PTPRD: variants seen among roughly 807,000 people sequenced by gnomAD.
PTPRD encodes the protein receptor-type tyrosine-protein phosphatase delta.
In PTPRD, 34 loss-of-function variants were observed where a neutral mutation model predicts 214.5. The ratio of observed to expected loss-of-function variants is 0.16; its 90% CI spans 0.12 to 0.21. The LOEUF is 0.21. Ranked by LOEUF, PTPRD falls within the 10% of genes least tolerant of loss-of-function variation. The pLI is 1.00. For synonymous variants in PTPRD, 1,128 were observed against 845.7 expected, an observed-to-expected ratio of 1.33 and a Z score of -5.79; for missense variants, 2,545 against 2,398.7, an observed-to-expected ratio of 1.06 and a Z score of -1.27.
chr9:10,447,177 A>G (rs73408148), intron 2 of PTPRD, among the ~76,000 whole-genome samples: 1,522 of 150,588 alleles, frequency 0.01, 35 homozygotes, highest in African/African-American at 0.03. Context: ...CCTGATGTGC[A>G]GCAAGGTAGC....
intron 10 of PTPRD, among the ~76,000 whole-genome samples, chr9:9,178,530 C>T (rs987838355): frequency 1.3e-5 from 2 of 152,024 alleles, no homozygotes; most frequent in African/African-American, 4.8e-5. Context: ...CAAATCATGG[C>T]CTGGGGTCTT....
chr9:9,994,624 A>G (rs1032045353), intron 4 of PTPRD, among the ~76,000 whole-genome samples: 5 of 152,176 alleles, frequency 3.3e-5, no homozygotes, highest in African/African-American at 9.7e-5. Flanking sequence ...CAAACAGAAA[A>G]TTACAAAAGT....
chr9:9,891,485 C>T (rs1189556542), intron 5 of PTPRD, among the ~76,000 whole-genome samples: 1 of 151,590 alleles, frequency 6.6e-6, no homozygotes, highest in Non-Finnish European at 1.5e-5. Flanking sequence ...TTTCTTCTGT[C>T]ACATAAATGC....
chr9:9,508,026 A>G lies in PTPRD; in HGVS notation c.-237+66706T>C, dbSNP rs180740364. ...TATACTATCACACATAAAATTCTCA[A>G]TATTTAATTGATTACACATAATTTA... On this transcript the variant is annotated intron_variant, in intron 8 of 45. Transcript: ENST00000381196. Among the ~76,000 whole-genome samples the G allele has an allele frequency of 1.0e-3, 153 of 151,614 alleles. 1 individual carries two copies. The highest frequency in any genetic ancestry group is 1.8e-3 in the Admixed American group (28 of 15,136).
chr9:9,875,937 G>A (rs531208185), intron 5 of PTPRD, among the ~76,000 whole-genome samples: 2 of 152,244 alleles, frequency 1.3e-5, no homozygotes, highest in South Asian at 4.1e-4. Context: ...AGAAAGATGG[G>A]ATGAGAGAGA....
chr9:10,292,319 A>T (rs1485311442), intron 3 of PTPRD, among the ~76,000 whole-genome samples: 1 of 151,942 alleles, frequency 6.6e-6, no homozygotes, highest in Non-Finnish European at 1.5e-5. Flanking sequence ...TCTTAATGCC[A>T]CTATCCTAGT....
intron 8 of PTPRD, among the ~76,000 whole-genome samples, chr9:9,533,406 A>G (rs1388238283): frequency 6.6e-6 from 1 of 152,112 alleles, no homozygotes; most frequent in Non-Finnish European, 1.5e-5. Flanking sequence ...CAGAAAGATC[A>G]AAGAAATGAT....
chr9:8,398,578 G>A (rs1210004230), intron 36 of PTPRD, among the ~76,000 whole-genome samples: 2 of 152,180 alleles, frequency 1.3e-5, no homozygotes, highest in African/African-American at 4.8e-5. Flanking sequence ...TGATAGTACT[G>A]AGAGGTGAGG....
intron 4 of PTPRD, among the ~76,000 whole-genome samples, chr9:9,972,510 G>A (rs1361864352): frequency 6.6e-6 from 1 of 152,110 alleles, no homozygotes; most frequent in Non-Finnish European, 1.5e-5. Context: ...AATTACTTGA[G>A]TGCCTATTTG....
At position 10,232,450 on chromosome 9, in the gene PTPRD, G is replaced by A. The variant is rs541544321; in HGVS notation, c.-545+108513C>T. 5.9e-5 allele frequency among the ~76,000 whole-genome samples: 9 copies of A among 152,094 alleles called. No individual in the cohort carries two copies. In the South Asian group the frequency reaches 1.9e-3, roughly 32 times the overall value. On this transcript the variant is annotated intron_variant, in intron 3 of 45. Transcript: ENST00000381196. The stretch of plus-strand genomic sequence containing the variant: ...GAAACAGAGCTCTTGAGATACCTAA[G>A]GAAAGTCTGGCACTGGAGTAAAGGA...
chr9:9,028,830 C>A (rs59683743), intron 10 of PTPRD, among the ~76,000 whole-genome samples: 2,099 of 151,690 alleles, frequency 0.014, 42 homozygotes, highest in African/African-American at 0.046. Flanking sequence ...TTTGCCCAGG[C>A]GAGTTAGAAT....
At chr9:9,953,942 T>A (rs1165638458) in intron 4 of PTPRD, among the ~76,000 whole-genome samples, 3 of 152,134 alleles carry the variant, frequency 2.0e-5, no homozygotes, top group East Asian at 1.9e-4. Flanking sequence ...CTGTGTTTTT[T>A]AAAATTATAT....
chr9:8,619,374 G>A (rs934325050), intron 14 of PTPRD, among the ~76,000 whole-genome samples: 1 of 151,466 alleles, frequency 6.6e-6, no homozygotes, highest in African/African-American at 2.4e-5. Context: ...TCAGCCTCTG[G>A]TAACCAACAT....
At chr9:8,602,225 A>C (rs924785105) in intron 14 of PTPRD, among the ~76,000 whole-genome samples, 1 of 152,224 alleles carries the variant, frequency 6.6e-6, no homozygotes, top group Admixed American at 6.5e-5. Context: ...TCTAAATAGA[A>C]AACTGTGAAC....
At chr9:10,054,403 G>T (rs1207287622) in intron 3 of PTPRD, among the ~76,000 whole-genome samples, 1 of 152,086 alleles carries the variant, frequency 6.6e-6, no homozygotes, top group Admixed American at 6.6e-5. Context: ...ATTAATATTT[G>T]CCTAGAACCA....
intron 10 of PTPRD, among the ~76,000 whole-genome samples, chr9:9,122,773 G>A: frequency 6.6e-6 from 1 of 152,122 alleles, no homozygotes; most frequent in East Asian, 1.9e-4. Context: ...TAATGTTTAT[G>A]CCAGTGCATG....
chr9:9,569,024 A>G (rs142187257), intron 8 of PTPRD, among the ~76,000 whole-genome samples: 2,704 of 151,936 alleles, frequency 0.018, 44 homozygotes, highest in Admixed American at 0.025. Flanking sequence ...GGGGAAAGTC[A>G]GTTGAGAAAA....
chr9:10,526,206 G>C (rs530067623), intron 2 of PTPRD, among the ~76,000 whole-genome samples: 1 of 152,130 alleles, frequency 6.6e-6, no homozygotes, highest in South Asian at 2.1e-4. Flanking sequence ...ATAAAATAGC[G>C]CATTTCATTC....
chr9:8,943,674 A>T (rs572406333), intron 11 of PTPRD, among the ~76,000 whole-genome samples: 1 of 151,610 alleles, frequency 6.6e-6, no homozygotes, highest in East Asian at 1.9e-4. Flanking sequence ...TTCCCAGAAT[A>T]AATGGTTCTG....
Sources: gnomAD v4.1 joint callset for allele counts (sites outside exome capture counted in the v4.1 genomes callset) on GRCh38, gnomAD v4.1.1 for gene constraint, MANE v1.5 for transcripts, NCBI Gene and HGNC (gene_info 2026-07-23, HGNC 2026-07-21) for gene names.